Variants in STOX2 observed in about 807,000 individuals in gnomAD.
STOX2 encodes storkhead box 2, also known as storkhead-box protein 2.
In STOX2, 28 loss-of-function variants were observed where a neutral mutation model predicts 60.9. The observed-to-expected ratio is 0.46, with a 90% CI of 0.34 to 0.63. The LOEUF (loss-of-function observed/expected upper bound fraction) is 0.63. Ranked by LOEUF, STOX2 falls within the 30% of genes least tolerant of loss-of-function variation. The pLI, the probability that STOX2 is intolerant of heterozygous loss-of-function variation, is 0.01. For synonymous variants in STOX2, 472 were observed against 463.9 expected (o/e 1.02, Z -0.22); for missense variants, 1,024 against 1,187.7 (o/e 0.86, Z 2.03).
At position 184,009,044 on chromosome 4, in the gene STOX2, T is replaced by C; in HGVS notation, c.320-114T>C. ...TGAACACCTTTGTCTGAATTGTGCA[T>C]CCTAGCTCTGTGATGGTACTTCGCA... On this transcript the variant is annotated intron_variant, in intron 2 of 3. Transcript: ENST00000308497. The surrounding 1 kb of genome is among the most constrained non-coding windows in gnomAD (Gnocchi z 4.0). 1 of 817,014 alleles carries C rather than the reference T, an allele frequency of 1.2e-6. No homozygotes were observed. Among genetic ancestry groups the C allele is most frequent in the Non-Finnish European group, 1.9e-6 (1 of 525,516 alleles). 50.6% of individuals were successfully genotyped at this position (817,014 alleles called of 1,614,324 possible).
intron 1 of STOX2, among the ~76,000 whole-genome samples, chr4:183,881,518 G>T (rs905708643): frequency 2.6e-5 from 4 of 151,902 alleles, no homozygotes; most frequent in Admixed American, 1.3e-4. Context: ...GAAAAGGCTT[G>T]GTCAGTGAAT....
At position 184,011,447 on chromosome 4, in the gene STOX2, C is replaced by G; in HGVS notation, c.2585+24C>G. The G allele has an allele frequency of 6.3e-7, 1 of 1,594,568 alleles. No homozygotes were observed. Among genetic ancestry groups the G allele is most frequent in the Non-Finnish European group, 8.5e-7 (1 of 1,169,742 alleles). On this transcript the variant is annotated intron_variant, in intron 3 of 3. Coordinates refer to ENST00000308497, the MANE Select transcript of STOX2 (RefSeq NM_020225.3). The surrounding 1 kb of genome is among the most constrained non-coding windows in gnomAD (Gnocchi z 4.4). ...CGGTAGGGAGAGGTGTCTCTGTGCA[C>G]ACACATGCGCCTAGCGGGGCCTGGG...
chr4:183,963,241 C>T (rs1560907300), intron 1 of STOX2, among the ~76,000 whole-genome samples: 1 of 151,972 alleles, frequency 6.6e-6, no homozygotes, highest in Admixed American at 6.5e-5. Flanking sequence ...TTTGTTACCC[C>T]CAACTAAGAA....
intron 1 of STOX2, among the ~76,000 whole-genome samples, chr4:183,812,123 G>T (rs1739048929): frequency 6.6e-6 from 1 of 151,884 alleles, no homozygotes; most frequent in Admixed American, 6.6e-5. Context: ...TGTAGAGATG[G>T]GTCTCACTAT....
At position 184,020,558 on chromosome 4, in the gene STOX2, T is replaced by A. The variant is rs1237973085; in HGVS notation, c.*3274T>A. ...CTCTGCCTTCACTCGCATGCTACCA[T>A]GTCGAGCCCAAACTCCACTTTAATT... On this transcript the variant is annotated 3_prime_UTR_variant, in exon 4 of 4. Transcript: ENST00000308497. 1.3e-5 allele frequency: 2 copies of A among 152,162 alleles called. No individual in the cohort carries two copies. The highest frequency in any genetic ancestry group is 6.5e-5 in the Admixed American group (1 of 15,274). The allele number at this position is 152,162 out of a possible 1,614,324, so 9.4% of individuals were successfully genotyped here. A position where few individuals can be genotyped will look rare whatever the true frequency, so the allele number is the denominator to read the frequency against.
intron 1 of STOX2, among the ~76,000 whole-genome samples, chr4:183,926,981 G>A (rs762727687): frequency 1.3e-5 from 2 of 152,214 alleles, no homozygotes; most frequent in Non-Finnish European, 2.9e-5. Context: ...CTGGGCAAAA[G>A]TAAAGTATTA....
intron 1 of STOX2, among the ~76,000 whole-genome samples, chr4:183,851,785 G>A (rs1296110734): frequency 6.2e-5 from 7 of 112,618 alleles, no homozygotes; most frequent in Admixed American, 4.8e-4. Flanking sequence ...ATGAGGGAAA[G>A]GATGAGAGAA....
chr4:183,973,707 T>G (rs1036598644), intron 1 of STOX2, among the ~76,000 whole-genome samples: 1 of 152,170 alleles, frequency 6.6e-6, no homozygotes, highest in Non-Finnish European at 1.5e-5. Flanking sequence ...TTAAAATATG[T>G]ATAATAGGCC....
At chr4:183,875,416 C>A (rs1486823613) in intron 1 of STOX2, among the ~76,000 whole-genome samples, 1 of 152,158 alleles carries the variant, frequency 6.6e-6, no homozygotes, top group Non-Finnish European at 1.5e-5. Context: ...TCCGCAGAGG[C>A]CAGTGGCTTT....
chr4:183,899,423 T>C (rs535579018), intron 1 of STOX2, among the ~76,000 whole-genome samples: 1 of 152,326 alleles, frequency 6.6e-6, no homozygotes, highest in African/African-American at 2.4e-5. Flanking sequence ...AAGTTATGAA[T>C]GCCACGAAAA....
intron 1 of STOX2, among the ~76,000 whole-genome samples, chr4:183,858,868 TA>T (rs1740364145): frequency 6.6e-6 from 1 of 152,192 alleles, no homozygotes; most frequent in African/African-American, 2.4e-5. Flanking sequence ...CATGGCTGTA[TA>T]ATTATTGGAA....
chr4:183,800,197 T>G (rs1236626673), intron 1 of STOX2, among the ~76,000 whole-genome samples: 2 of 152,228 alleles, frequency 1.3e-5, no homozygotes, highest in Non-Finnish European at 2.9e-5. Context: ...TTCCTCATTT[T>G]TTTTTGTTGC....
rs548288538 is a variant in STOX2, at chr4:183,893,437, G to C, written c.364+95382G>C. On this transcript the variant is annotated intron_variant, in intron 1 of 2. Transcript: ENST00000513034. ...TTAGCTTGGTGGACTGGACGAAGCC[G>C]GTGGTCTCTTCAGAGACCTGTGGGA... Among the ~76,000 whole-genome samples the C allele has an allele frequency of 5.9e-5, 9 of 152,246 alleles. No individual in the cohort carries two copies. The South Asian group carries it at 8.3e-4, about 14-fold the overall frequency.
At chr4:183,920,117 AT>A (rs1041511475) in intron 1 of STOX2, among the ~76,000 whole-genome samples, 3 of 151,716 alleles carry the variant, frequency 2.0e-5, no homozygotes, top group Admixed American at 2.0e-4. Context: ...ATTTTTATTT[AT>A]TTTTATTTTT....
intron 1 of STOX2, among the ~76,000 whole-genome samples, chr4:183,871,354 T>A (rs1340934878): frequency 6.6e-6 from 1 of 152,236 alleles, no homozygotes; most frequent in Non-Finnish European, 1.5e-5. Context: ...CAAGTCTTGC[T>A]CAACTTGAAA....
chr4:183,919,433 C>A (rs1742031563), intron 1 of STOX2, among the ~76,000 whole-genome samples: 1 of 152,092 alleles, frequency 6.6e-6, no homozygotes, highest in South Asian at 2.1e-4. Context: ...GAGTCAGGCC[C>A]CGCCGGGAGG....
At chr4:183,994,933 G>GA (rs1298797575) in intron 1 of STOX2, among the ~76,000 whole-genome samples, 4 of 151,496 alleles carry the variant, frequency 2.6e-5, no homozygotes, top group South Asian at 2.1e-4. Flanking sequence ...GTTGGTGCTT[G>GA]AAAAAAAAAT....
At chr4:183,863,866 A>C (rs1476748183) in intron 1 of STOX2, among the ~76,000 whole-genome samples, 4 of 152,026 alleles carry the variant, frequency 2.6e-5, no homozygotes, top group Non-Finnish European at 4.4e-5. Flanking sequence ...AACTTGGAGG[A>C]AATGTTTTTG....
At chr4:183,842,372 C>T (rs1159821366) in intron 1 of STOX2, among the ~76,000 whole-genome samples, 1 of 152,172 alleles carries the variant, frequency 6.6e-6, no homozygotes, top group East Asian at 1.9e-4. Flanking sequence ...ACAGTCAGCT[C>T]CTATCAATTT....
Sources: gnomAD v4.1 joint callset for allele counts (sites outside exome capture counted in the v4.1 genomes callset) on GRCh38, gnomAD v4.1.1 for gene constraint, Gnocchi (gnomAD v3.1) non-coding constraint, MANE v1.5 for transcripts, NCBI Gene and HGNC (gene_info 2026-07-23, HGNC 2026-07-21) for gene names.